GRIA4: variants seen among roughly 807,000 people sequenced by gnomAD.
The protein encoded by GRIA4 is glutamate ionotropic receptor AMPA type subunit 4, also known as glutamate receptor 4.
A neutral mutation model predicts 104.0 loss-of-function variants in GRIA4; 34 were observed. The observed-to-expected ratio is 0.33, with a 90% confidence interval of 0.25 to 0.44. The LOEUF (loss-of-function observed/expected upper bound fraction) is 0.44. Among genes scored for constraint, GRIA4 ranks in the 20% least tolerant of loss-of-function variants. GRIA4 has a pLI of 1.00. For synonymous variants in GRIA4, 386 were observed against 381.9 expected (o/e 1.01, Z -0.13); for missense variants, 750 against 1,096.5 (o/e 0.68, Z 4.46).
At chr11:105,958,837 T>C (rs1221110535) in intron 14 of GRIA4, among the ~76,000 whole-genome samples, 1 of 152,200 alleles carries the variant, frequency 6.6e-6, no homozygotes, top group Non-Finnish European at 1.5e-5. Flanking sequence ...TTTGCTTGTC[T>C]GGAAAGGATT....
chr11:105,732,098 A>C (rs1938634477), intron 3 of GRIA4, among the ~76,000 whole-genome samples: 1 of 152,320 alleles, frequency 6.6e-6, no homozygotes, highest in South Asian at 2.1e-4. Flanking sequence ...TATCAAGTGC[A>C]AAATAACAGC....
intron 3 of GRIA4, among the ~76,000 whole-genome samples, chr11:105,710,417 G>A (rs2135547059): frequency 6.6e-6 from 1 of 151,986 alleles, no homozygotes; most frequent in Admixed American, 6.6e-5. Flanking sequence ...AAAATCCCTG[G>A]CCCCTGAGCC....
At chr11:105,977,357 T>G (rs1156584477) in intron 16 of GRIA4, among the ~76,000 whole-genome samples, 2 of 151,924 alleles carry the variant, frequency 1.3e-5, no homozygotes, top group African/African-American at 4.8e-5. Flanking sequence ...GTGAGTGGTT[T>G]GGAGACTCTG....
At position 105,791,631 on chromosome 11, in the gene GRIA4, CA is replaced by C. The variant is rs562493875; in HGVS notation, c.487+38416del. On this transcript the variant is annotated intron_variant, in intron 4 of 16. Transcript: ENST00000282499. ...CAACTACATAGAACATGTATCTGCA[CA>C]AAAACATGGACCTGGTAATATTAGC... Among the ~76,000 whole-genome samples, 21 of 152,178 alleles carry C rather than the reference CA, an allele frequency of 1.4e-4. 1 individual carries two copies. The South Asian group carries it at 4.4e-3, about 32-fold the overall frequency.
At chr11:105,717,802 G>A (rs985446180) in intron 3 of GRIA4, among the ~76,000 whole-genome samples, 8 of 150,740 alleles carry the variant, frequency 5.3e-5, no homozygotes, top group South Asian at 2.1e-4. Flanking sequence ...ATGCTGGTGC[G>A]CTGCACCCAC....
chr11:105,704,108 G>T (rs1321274580), intron 3 of GRIA4, among the ~76,000 whole-genome samples: 3 of 151,918 alleles, frequency 2.0e-5, no homozygotes, highest in African/African-American at 2.4e-5. Flanking sequence ...TTCAATGAGG[G>T]CCTACAAGGT....
chr11:105,763,114 G>T (rs1393078281), intron 4 of GRIA4, among the ~76,000 whole-genome samples: 1 of 152,166 alleles, frequency 6.6e-6, no homozygotes, highest in African/African-American at 2.4e-5. Context: ...AAAGGAGTAA[G>T]AGAGTTTAAT....
chr11:105,918,700 C>T lies in GRIA4; in HGVS notation c.1270-12C>T, dbSNP rs902516240. ...TAATTTCTCCTTTACAGTTCTACTT[C>T]TCTCATTATAGGAATCCCCATATGT... On this transcript the variant is annotated splice_polypyrimidine_tract_variant and intron_variant, in intron 10 of 16. Coordinates refer to ENST00000282499, the MANE Select transcript of GRIA4 (RefSeq NM_000829.4). The T allele has an allele frequency of 7.9e-7, 1 of 1,267,610 alleles. No individual in the cohort carries two copies. Among genetic ancestry groups the T allele is most frequent in the Non-Finnish European group, 1.2e-6 (1 of 866,964 alleles). 78.5% of individuals were successfully genotyped at this position (1,267,610 alleles called of 1,614,324 possible).
intron 14 of GRIA4, among the ~76,000 whole-genome samples, chr11:105,959,274 T>C (rs955655493): frequency 6.6e-6 from 1 of 151,918 alleles, no homozygotes; most frequent in Non-Finnish European, 1.5e-5. Flanking sequence ...TGTCCTTTTA[T>C]GAAGTCTTGG....
intron 4 of GRIA4, among the ~76,000 whole-genome samples, chr11:105,777,611 A>T (rs1255440011): frequency 6.6e-6 from 1 of 152,186 alleles, no homozygotes; most frequent in Non-Finnish European, 1.5e-5. Context: ...TGTTCAAACA[A>T]TATATCTTTT....
intron 4 of GRIA4, among the ~76,000 whole-genome samples, chr11:105,802,230 G>C (rs1358130606): frequency 6.6e-6 from 1 of 152,092 alleles, no homozygotes. Flanking sequence ...TCAAGAACAA[G>C]ATTTCATCTG....
At chr11:105,897,192 T>C (rs957279572) in intron 6 of GRIA4, among the ~76,000 whole-genome samples, 1 of 152,032 alleles carries the variant, frequency 6.6e-6, no homozygotes, top group Non-Finnish European at 1.5e-5. Context: ...TATGATTGAG[T>C]TCTTGATTTG....
At chr11:105,704,926 G>A (rs1185180437) in intron 3 of GRIA4, among the ~76,000 whole-genome samples, 2 of 151,934 alleles carry the variant, frequency 1.3e-5, no homozygotes, top group African/African-American at 4.8e-5. Context: ...AAGTTCATAT[G>A]GAAAAACAAA....
intron 15 of GRIA4, among the ~76,000 whole-genome samples, chr11:105,972,273 T>C (rs527873219): frequency 2.6e-5 from 4 of 152,308 alleles, no homozygotes; most frequent in African/African-American, 9.6e-5. Flanking sequence ...TAAAATTCCT[T>C]TTACATTATT....
At chr11:105,862,584 TACTTTAG>T (rs1421466264) in intron 5 of GRIA4, 2 of 180,612 alleles carry the variant, frequency 1.1e-5, no homozygotes, top group Non-Finnish European at 2.3e-5. Flanking sequence ...GAGGCACACT[TACTTTAG>T]AGAAGTGCTA....
intron 9 of GRIA4, among the ~76,000 whole-genome samples, chr11:105,909,779 C>T (rs1947166864): frequency 6.6e-6 from 1 of 151,962 alleles, no homozygotes; most frequent in African/African-American, 2.4e-5. Context: ...TTACTTAATT[C>T]ATTTTTAGGA....
chr11:105,874,635 T>A (rs1267802647), intron 5 of GRIA4, among the ~76,000 whole-genome samples: 1 of 152,204 alleles, frequency 6.6e-6, no homozygotes, highest in East Asian at 1.9e-4. Context: ...GTCCTTCATA[T>A]CCCTTGCAAG....
intron 4 of GRIA4, among the ~76,000 whole-genome samples, chr11:105,832,427 AATG>A (rs1261283936): frequency 6.6e-6 from 1 of 151,664 alleles, no homozygotes; most frequent in African/African-American, 2.4e-5. Flanking sequence ...GACTTTAAAT[AATG>A]ATAAGTTTGC....
intron 4 of GRIA4, among the ~76,000 whole-genome samples, chr11:105,768,379 T>C (rs1348353223): frequency 1.3e-5 from 2 of 152,008 alleles, no homozygotes; most frequent in Non-Finnish European, 2.9e-5. Context: ...TAAGATTTGG[T>C]TTAAAAACTG....
Sources: gnomAD v4.1 joint callset for allele counts (sites outside exome capture counted in the v4.1 genomes callset) on GRCh38, gnomAD v4.1.1 for gene constraint, MANE v1.5 for transcripts, NCBI Gene and HGNC (gene_info 2026-07-23, HGNC 2026-07-21) for gene names.